The following SV2C variants were observed in gnomAD, a reference collection of about 807,000 sequenced individuals.
SV2C encodes synaptic vesicle glycoprotein 2C, also known as solute carrier family 22 member B3.
A neutral mutation model predicts 79.7 loss-of-function variants in SV2C; 49 were observed. That is an observed-to-expected ratio of 0.61 (90% CI 0.49 to 0.78). The LOEUF is 0.78. SV2C is among the 30% of genes least tolerant of loss of function. SV2C has a pLI of 0.00. For synonymous variants in SV2C, 334 were observed against 333.2 expected, an observed-to-expected ratio of 1.00 and a Z score of -0.03; for missense variants, 833 against 912.9, an observed-to-expected ratio of 0.91 and a Z score of 1.13.
chr5:76,121,422 T>C (rs1337357264), intron 1 of SV2C, among the ~76,000 whole-genome samples: 1 of 151,474 alleles, frequency 6.6e-6, no homozygotes, highest in African/African-American at 2.4e-5. Flanking sequence ...CTTTTGGTGT[T>C]TTAGACATGA....
chr5:76,221,671 C>T lies in SV2C; in HGVS notation c.913+11784C>T, dbSNP rs140590652. 1.7e-3 allele frequency among the ~76,000 whole-genome samples: 265 copies of T among 152,116 alleles called. 3 individuals are homozygous for T. Among genetic ancestry groups the T allele is most frequent in the African/African-American group, 5.6e-3 (232 of 41,490 alleles). On this transcript the variant is annotated intron_variant, in intron 4 of 12. Transcript: ENST00000502798. ...TCAGAGAATGTAGATACAGGGGTCT[C>T]GAGACCCTCAAGCCAGTGTGACTCC...
chr5:76,300,899 C>G lies in SV2C; in HGVS notation c.1807C>G (p.Leu603Val), dbSNP rs1455909126. Residue 603 changes from leucine (L) to valine (V), a missense_variant, in exon 11 of 13, where the codon CTG (leucine) becomes GTG (valine). Transcript: ENST00000502798. ...GCCAGGGAACATTGTGTCTGCTCTG[C>G]TGATGGACAGAATTGGGCGCTTAAC... is the stretch of plus-strand genomic sequence containing the variant. Reference protein sequence around the residue: ...VLPGNIVSALLMDRIGRLTML... With the variant: ...VLPGNIVSALVMDRIGRLTML... The G allele has an allele frequency of 6.2e-7, 1 of 1,613,998 alleles. No homozygotes were observed. The highest frequency in any genetic ancestry group is 2.2e-5 in the East Asian group (1 of 44,890).
chr5:75,876,355 G>A, the SV2C span, among the ~76,000 whole-genome samples: 1 of 151,954 alleles, frequency 6.6e-6, no homozygotes, highest in East Asian at 1.9e-4. Context: ...TCTTGCAGGT[G>A]GGAGCTAAAT....
the SV2C span, among the ~76,000 whole-genome samples, chr5:75,893,291 T>C: frequency 6.6e-6 from 1 of 152,170 alleles, no homozygotes; most frequent in African/African-American, 2.4e-5. Flanking sequence ...TGCTTGTTGA[T>C]TTTTTTAAGA....
chr5:75,883,506 C>A, the SV2C span, among the ~76,000 whole-genome samples: 2 of 144,872 alleles, frequency 1.4e-5, no homozygotes, highest in African/African-American at 2.8e-5. Context: ...TACTATGCAG[C>A]CATAAAAATG....
chr5:76,038,108 C>T, the SV2C span, among the ~76,000 whole-genome samples: 4 of 152,364 alleles, frequency 2.6e-5, no homozygotes, highest in South Asian at 6.2e-4. Flanking sequence ...GGCTCACGCA[C>T]GGTGCGTGCA....
At chr5:75,937,507 C>G in the SV2C span, among the ~76,000 whole-genome samples, 6 of 151,938 alleles carry the variant, frequency 3.9e-5, no homozygotes, top group African/African-American at 9.7e-5. Context: ...TTGAGACCAG[C>G]CTGGGCAACA....
At chr5:76,203,971 A>T (rs927084833) in intron 3 of SV2C, among the ~76,000 whole-genome samples, 3 of 152,298 alleles carry the variant, frequency 2.0e-5, no homozygotes, top group African/African-American at 7.2e-5. Flanking sequence ...TTTATCACTG[A>T]TAGCAAACAT....
intron 2 of SV2C, among the ~76,000 whole-genome samples, chr5:76,145,521 G>A (rs1442657659): frequency 6.6e-6 from 1 of 152,130 alleles, no homozygotes; most frequent in Non-Finnish European, 1.5e-5. Context: ...TCCTTGAGAG[G>A]GATTTGCTGA....
At chr5:76,144,809 G>T (rs1749367282) in intron 2 of SV2C, among the ~76,000 whole-genome samples, 1 of 148,704 alleles carries the variant, frequency 6.7e-6, no homozygotes, top group Non-Finnish European at 1.5e-5. Flanking sequence ...TTTAAGTACA[G>T]TCAGATTGAT....
At chr5:76,020,805 G>T in the SV2C span, among the ~76,000 whole-genome samples, 2 of 152,140 alleles carry the variant, frequency 1.3e-5, no homozygotes, top group Admixed American at 1.3e-4. Context: ...GGTTAAGAAA[G>T]CAGGTGTGCT....
chr5:75,913,748 G>A, the SV2C span, among the ~76,000 whole-genome samples: 3 of 152,106 alleles, frequency 2.0e-5, no homozygotes, highest in Non-Finnish European at 2.9e-5. Flanking sequence ...TTCAGAAATG[G>A]AGCTGTCAAA....
chr5:76,231,566 T>G (rs1463595855), intron 4 of SV2C, among the ~76,000 whole-genome samples: 1 of 147,580 alleles, frequency 6.8e-6, no homozygotes, highest in Admixed American at 6.6e-5. Flanking sequence ...TAGGTATATC[T>G]CCCAATGCTA....
the SV2C span, among the ~76,000 whole-genome samples, chr5:76,037,059 C>A: frequency 7.9e-5 from 12 of 152,196 alleles, no homozygotes; most frequent in African/African-American, 2.9e-4. Context: ...CTTCTGCATT[C>A]TTCATGTAGT....
intron 2 of SV2C, among the ~76,000 whole-genome samples, chr5:76,154,783 G>T (rs1043535111): frequency 6.6e-6 from 1 of 152,172 alleles, no homozygotes; most frequent in Non-Finnish European, 1.5e-5. Context: ...CAATTTTGAG[G>T]TTTATTTGCC....
intron 4 of SV2C, among the ~76,000 whole-genome samples, chr5:76,217,792 A>G (rs947210691): frequency 6.6e-6 from 1 of 152,190 alleles, no homozygotes; most frequent in Admixed American, 6.5e-5. Flanking sequence ...AAAGAGAACC[A>G]AGGTATTAAA....
At chr5:76,245,248 A>G (rs940109691) in intron 4 of SV2C, among the ~76,000 whole-genome samples, 2 of 152,192 alleles carry the variant, frequency 1.3e-5, no homozygotes, top group South Asian at 2.1e-4. Flanking sequence ...TAAATTTTGT[A>G]GGAATGAATG....
chr5:76,305,004 C>G (rs534096255), intron 12 of SV2C, among the ~76,000 whole-genome samples: 115 of 152,180 alleles, frequency 7.6e-4, no homozygotes, highest in African/African-American at 2.8e-3. Flanking sequence ...AGGAAGCTTC[C>G]AATCATGGCA....
the SV2C span, among the ~76,000 whole-genome samples, chr5:76,027,666 C>A: frequency 6.6e-6 from 1 of 152,126 alleles, no homozygotes; most frequent in Non-Finnish European, 1.5e-5. Context: ...ATATTTATAT[C>A]AGTAAATATT....
Sources: allele counts gnomAD v4.1 joint callset (sites outside exome capture counted in the v4.1 genomes callset), GRCh38; gene constraint gnomAD v4.1.1; transcripts MANE v1.5; gene names NCBI Gene and HGNC (gene_info 2026-07-23, HGNC 2026-07-21).